BANP: variants seen among roughly 807,000 people sequenced by gnomAD.
BANP encodes the protein BTG3 associated nuclear protein.
A neutral mutation model predicts 68.1 loss-of-function variants in BANP; 11 were observed. The observed-to-expected ratio is 0.16, with a 90% CI of 0.10 to 0.27. The LOEUF (loss-of-function observed/expected upper bound fraction) is 0.27. Among genes scored for constraint, BANP ranks in the 10% least tolerant of loss-of-function variants. The pLI is 1.00. For missense variants in BANP, 504 were observed against 722.7 expected (o/e 0.70, Z 3.47); for synonymous variants, 329 against 303.2 (o/e 1.09, Z -0.88).
chr16:88,044,171 G>A (rs983653593), intron 11 of BANP, among the ~76,000 whole-genome samples: 3 of 152,250 alleles, frequency 2.0e-5, no homozygotes, highest in South Asian at 2.1e-4. Flanking sequence ...ATTCTGCGGC[G>A]ATGCTGCCTC....
chr16:87,963,143 C>T (rs1439785930), intron 1 of BANP, among the ~76,000 whole-genome samples: 1 of 152,118 alleles, frequency 6.6e-6, no homozygotes, highest in African/African-American at 2.4e-5. Context: ...CTGGGAGTCT[C>T]CACACAGAAG....
intron 8 of BANP, among the ~76,000 whole-genome samples, chr16:88,028,670 G>C (rs2077484794): frequency 6.6e-6 from 1 of 152,190 alleles, no homozygotes; most frequent in African/African-American, 2.4e-5. Context: ...AGCAGTCCTG[G>C]GGTGTGGGTT....
intron 9 of BANP, among the ~76,000 whole-genome samples, chr16:88,034,556 C>G (rs897262609): frequency 2.6e-5 from 4 of 151,826 alleles, no homozygotes; most frequent in Non-Finnish European, 5.9e-5. Context: ...AAAACGTTGC[C>G]TGCCCTGTTG....
At chr16:88,038,118 A>G (rs563904210) in intron 11 of BANP, 107 bp downstream of exon 11, 24 of 606,394 alleles carry the variant, frequency 4.0e-5, no homozygotes, top group Non-Finnish European at 5.1e-5. Context: ...CCCCATGTAC[A>G]TGTGGGCATT....
At position 88,018,052 on chromosome 16, in the gene BANP, C is replaced by T. The variant is rs552365713; in HGVS notation, c.656-376C>T. On this transcript the variant is annotated intron_variant, in intron 6 of 13. Transcript: ENST00000682872. This position sits in a 1 kb window ranked among gnomAD's most constrained non-coding sequence, Gnocchi z 7.7. ...GCTGGCAGTGAGGTGTGAGGGACCC[C>T]GGGGAGGGTTCCGCTCTGCAGGTGG... Among the ~76,000 whole-genome samples the T allele has an allele frequency of 3.9e-5, 6 of 152,012 alleles. No individual in the cohort carries two copies. Among genetic ancestry groups the T allele is most frequent in the Non-Finnish European group, 7.4e-5 (5 of 67,986 alleles).
At chr16:88,016,947 A>T (rs2074715531) in intron 6 of BANP, among the ~76,000 whole-genome samples, 1 of 152,172 alleles carries the variant, frequency 6.6e-6, no homozygotes, top group African/African-American at 2.4e-5. Flanking sequence ...CCCTGTGACA[A>T]TGTGTGTTTG....
chr16:88,017,020 G>A (rs1256536163), intron 6 of BANP, among the ~76,000 whole-genome samples: 1 of 152,256 alleles, frequency 6.6e-6, no homozygotes, highest in African/African-American at 2.4e-5. Context: ...GGGAATGGGA[G>A]AGGCTGCTTG....
chr16:88,051,824 GT>G (rs1433314743), intron 11 of BANP, among the ~76,000 whole-genome samples: 28 of 152,274 alleles, frequency 1.8e-4, no homozygotes, highest in African/African-American at 5.5e-4. Context: ...TAGACTTACA[GT>G]TTTCTTTCCT....
Position 87,951,505 on chromosome 16 carries a change from C to T in BANP, c.-79C>T, listed in dbSNP as rs1466663121. ...CCCGACAAACACCACGAGAATTCCG[C>T]AGCCCACACGGTAATTGCAGCTCCC... is the stretch of plus-strand genomic sequence containing the variant. On this transcript the variant is annotated 5_prime_UTR_variant, in exon 1 of 14. Transcript: ENST00000682872. 1 of 152,842 alleles carries T rather than the reference C, an allele frequency of 6.5e-6. No individual in the cohort carries two copies. Among genetic ancestry groups the T allele is most frequent in the Non-Finnish European group, 1.5e-5 (1 of 67,904 alleles). The allele number at this position is 152,842 out of a possible 1,614,324, so 9.5% of individuals were successfully genotyped here. A position where few individuals can be genotyped will look rare whatever the true frequency, so the allele number is the denominator to read the frequency against.
At chr16:87,975,298 C>T (rs1001756874) in intron 2 of BANP, 113 bp downstream of exon 2, 58 of 1,072,252 alleles carry the variant, frequency 5.4e-5, no homozygotes, top group Middle Eastern at 2.0e-4. Context: ...ATGCATGCTG[C>T]GTATGAAAAG....
chr16:88,054,558 A>G (rs1444142799), intron 11 of BANP, among the ~76,000 whole-genome samples: 1 of 152,002 alleles, frequency 6.6e-6, no homozygotes, highest in East Asian at 1.9e-4. Context: ...CGCCACCCCC[A>G]CCACTCCCAG....
intron 4 of BANP, among the ~76,000 whole-genome samples, chr16:87,996,317 A>T (rs2067190161): frequency 6.6e-6 from 1 of 152,212 alleles, no homozygotes; most frequent in African/African-American, 2.4e-5. Flanking sequence ...TTCCGATGCT[A>T]ACCTCTGCTG....
At chr16:87,983,234 G>A (rs1223152907) in intron 3 of BANP, among the ~76,000 whole-genome samples, 8 of 152,284 alleles carry the variant, frequency 5.3e-5, no homozygotes, top group African/African-American at 1.7e-4. Flanking sequence ...GCTGGTGGGC[G>A]CTCCCCCAAC....
Position 88,018,284 on chromosome 16 carries a change from G to T in BANP, c.656-144G>T. ...GCAGTCGGAGGCTCCAGCGCTCTTG[G>T]TGACTGCCTCACAAGTTACGAGGGA... On this transcript the variant is annotated intron_variant, in intron 6 of 13. Transcript: ENST00000682872. This position sits in a 1 kb window ranked among gnomAD's most constrained non-coding sequence, Gnocchi z 7.7. The T allele has an allele frequency of 9.4e-7, 1 of 1,061,280 alleles. No individual in the cohort carries two copies. The highest frequency in any genetic ancestry group is 2.4e-5 in the East Asian group (1 of 41,532). 65.7% of individuals were successfully genotyped at this position (1,061,280 alleles called of 1,614,324 possible).
rs190740281 is a variant in BANP, at chr16:88,025,463, G to A, written c.896-2020G>A. Among the ~76,000 whole-genome samples the A allele has an allele frequency of 1.1e-4, 16 of 152,312 alleles. 1 individual carries two copies. Among genetic ancestry groups the A allele is most frequent in the Non-Finnish European group, 2.2e-4 (15 of 68,030 alleles). On this transcript the variant is annotated intron_variant, in intron 7 of 13. Coordinates refer to ENST00000682872, the MANE Select transcript of BANP (RefSeq NM_001386991.1). Reference sequence around the variant, plus strand: ...TGACCCGAAAATTGGAAGCCAAAGGGCGGCTGCTTCCTGTATGGCTTCTTT... The same window carrying A: ...TGACCCGAAAATTGGAAGCCAAAGGACGGCTGCTTCCTGTATGGCTTCTTT...
In BANP at chr16:88,072,116, G is replaced by A. The variant is rs748683985; in HGVS notation, c.1425G>A (p.Ala475=). The part of the protein sequence containing the change: ...QLIAVASSDP[A]AAGVDGSPLQ... ...TCGCCGTGGCCTCCTCGGACCCCGC[G>A]GCGGCGGGCGTGGATGGGTCGCCAC... Residue 475 remains alanine, a synonymous_variant, in exon 13 of 14, where the codon GCG becomes GCA. Transcript: ENST00000682872. 39 of 1,606,384 alleles carry A rather than the reference G, an allele frequency of 2.4e-5. No individual in the cohort carries two copies. Among genetic ancestry groups the A allele is most frequent in the African/African-American group, 1.2e-4 (9 of 75,006 alleles).
intron 6 of BANP, among the ~76,000 whole-genome samples, chr16:88,011,401 A>C (rs2073084201): frequency 2.6e-5 from 4 of 152,104 alleles, no homozygotes; most frequent in Non-Finnish European, 4.4e-5. Flanking sequence ...TCAGCCGCCG[A>C]CTGGTGTTGG....
Position 88,018,289 on chromosome 16 carries a change from T to C in BANP, c.656-139T>C. The C allele has an allele frequency of 1.8e-6, 2 of 1,100,422 alleles. No individual in the cohort carries two copies. Among genetic ancestry groups the C allele is most frequent in the Non-Finnish European group, 2.6e-6 (2 of 771,256 alleles). The allele number at this position is 1,100,422 out of a possible 1,614,324, so 68.2% of individuals were successfully genotyped here. ...CGGAGGCTCCAGCGCTCTTGGTGAC[T>C]GCCTCACAAGTTACGAGGGATTTGC... On this transcript the variant is annotated intron_variant, in intron 6 of 13. Transcript: ENST00000682872. This position sits in a 1 kb window ranked among gnomAD's most constrained non-coding sequence, Gnocchi z 7.7.
At chr16:87,981,157 T>C in intron 3 of BANP, 30 bp downstream of exon 3, 1 of 1,497,696 alleles carries the variant, frequency 6.7e-7, no homozygotes, top group East Asian at 2.3e-5. Flanking sequence ...CTGTGGTGTG[T>C]AGTGCGTTGC....
Sources: gnomAD v4.1 joint callset for allele counts (sites outside exome capture counted in the v4.1 genomes callset) on GRCh38, gnomAD v4.1.1 for gene constraint, Gnocchi (gnomAD v3.1) non-coding constraint, MANE v1.5 for transcripts, NCBI Gene and HGNC (gene_info 2026-07-23, HGNC 2026-07-21) for gene names.